MEF2D: variants seen among roughly 807,000 people sequenced by gnomAD.
MEF2D encodes myocyte-specific enhancer factor 2D.
MEF2D carries 10 observed loss-of-function variants against 59.3 expected under a neutral mutation model. The ratio of observed to expected loss-of-function variants is 0.17; its 90% CI spans 0.10 to 0.29. The LOEUF (loss-of-function observed/expected upper bound fraction) is 0.29, where lower values mean the gene tolerates loss of function less well. Ranked by LOEUF, MEF2D falls within the 10% of genes least tolerant of loss-of-function variation. MEF2D has a pLI of 1.00. For missense variants in MEF2D, 508 were observed against 699.4 expected, an observed-to-expected ratio of 0.73 and a Z score of 3.09; for synonymous variants, 305 against 295.0, an observed-to-expected ratio of 1.03 and a Z score of -0.35.
chr1:156,480,694 A>G (rs761425536), intron 4 of MEF2D, 140 bp downstream of exon 4: 107 of 1,595,096 alleles, frequency 6.7e-5, no homozygotes, highest in Non-Finnish European at 9.1e-5. Flanking sequence ...CTATCTTTTT[A>G]TATTTCTCTT....
intron 11 of MEF2D, 35 bp downstream of exon 11, chr1:156,467,958 G>T: frequency 6.3e-7 from 1 of 1,587,508 alleles, no homozygotes. Context: ...GGGTGTAGCA[G>T]ACACTGGCAG....
chr1:156,470,958 C>A (rs1185050279), intron 9 of MEF2D, among the ~76,000 whole-genome samples: 1 of 152,180 alleles, frequency 6.6e-6, no homozygotes, highest in Non-Finnish European at 1.5e-5. Context: ...AGAGGGGGAT[C>A]TGTGCTTGGC....
At chr1:156,488,783 G>A (rs779174931) in intron 1 of MEF2D, among the ~76,000 whole-genome samples, 1 of 152,170 alleles carries the variant, frequency 6.6e-6, no homozygotes, top group Non-Finnish European at 1.5e-5. Context: ...TGGGGAGAGC[G>A]GTGAAGGGGA....
intron 1 of MEF2D, among the ~76,000 whole-genome samples, chr1:156,485,220 C>G (rs1436323598): frequency 2.0e-5 from 3 of 152,198 alleles, no homozygotes; most frequent in African/African-American, 7.2e-5. Flanking sequence ...ACCCCTACCC[C>G]CCAGCTCCCA....
chr1:156,480,913 G>C lies in MEF2D; in HGVS notation c.317C>G (p.Ser106Trp). Residue 106 changes from serine (S) to tryptophan (W), a missense_variant, in exon 4 of 12, where the codon TCG becomes TGG. By Grantham distance (177) the Ser-to-Trp change is radical. Transcript: ENST00000348159. ...CDSPEPDGED[S>W]LEQSPLLEDK... is the part of the protein sequence containing the mutation. ...CTCCAGCAGGGGGCTCTGTTCCAGC[G>C]AGTCCTCCCCGTCGGGCTCGGGGCT... The C allele has an allele frequency of 6.2e-7, 1 of 1,611,912 alleles. No individual in the cohort carries two copies. Among genetic ancestry groups the C allele is most frequent in the Non-Finnish European group, 8.5e-7 (1 of 1,179,560 alleles).
rs1184127124 is a variant in MEF2D at position 156,478,530 on chromosome 1, CTTATTTTT to C, written c.664+752_664+759del. On this transcript the variant is annotated intron_variant, in intron 6 of 11. Coordinates refer to ENST00000348159, the MANE Select transcript of MEF2D (RefSeq NM_005920.4). ...TTGGGGGGCAGCCTTTCTTCTGTGG[CTTATTTTT>C]TTATTTTTTGAGACGGAGTTTCGCT... is the stretch of plus-strand genomic sequence containing the variant. Among the ~76,000 whole-genome samples the C allele has an allele frequency of 3.3e-5, 5 of 152,202 alleles. No individual in the cohort carries two copies. The East Asian group carries it at 9.7e-4, about 29-fold the overall frequency.
rs1414199663 is a variant in MEF2D, at chr1:156,468,673, G to A, written c.1247+107C>T. The stretch of plus-strand genomic sequence containing the variant: ...AGACTGTGCAGTGCACAGCCTCATA[G>A]GATGTCCACTAGAACCCTGCAGGGA... On this transcript the variant is annotated intron_variant, in intron 10 of 11. Transcript: ENST00000348159. The surrounding 1 kb of genome is among the most constrained non-coding windows in gnomAD (Gnocchi z 4.3). The A allele has an allele frequency of 1.5e-5, 23 of 1,516,942 alleles. No individual in the cohort carries two copies. Among genetic ancestry groups the A allele is most frequent in the Non-Finnish European group, 2.0e-5 (23 of 1,122,626 alleles). The allele number at this position is 1,516,942 out of a possible 1,614,324, so 94.0% of individuals were successfully genotyped here. A position where few individuals can be genotyped will look rare whatever the true frequency, so the allele number is the denominator to read the frequency against.
chr1:156,487,947 T>G (rs1672476983), intron 1 of MEF2D, among the ~76,000 whole-genome samples: 1 of 152,264 alleles, frequency 6.6e-6, no homozygotes, highest in South Asian at 2.1e-4. Flanking sequence ...TGGGAGGACT[T>G]GGGCTACCAA....
chr1:156,479,255 TC>T, intron 6 of MEF2D, 34 bp downstream of exon 6: 1 of 1,579,214 alleles, frequency 6.3e-7, no homozygotes, highest in Admixed American at 1.9e-5. Context: ...CGGGCACCCC[TC>T]CCCACCTCCA....
In MEF2D at chr1:156,494,154, G is replaced by A. The variant is rs1316081731; in HGVS notation, c.-139+6332C>T. On this transcript the variant is annotated intron_variant, in intron 1 of 11. Coordinates refer to ENST00000348159, the MANE Select transcript of MEF2D (RefSeq NM_005920.4). ...AGCACAATACACACATGCTTTAAAG[G>A]GAAAATCTCAAGGTTTGAGGTCATC... Among the ~76,000 whole-genome samples, 4 of 151,992 alleles carry A rather than the reference G, an allele frequency of 2.6e-5. No individual in the cohort carries two copies. In the East Asian group the frequency reaches 7.7e-4, roughly 29 times the overall value.
intron 3 of MEF2D, among the ~76,000 whole-genome samples, chr1:156,481,712 ATC>A (rs1490699498): frequency 1.3e-5 from 2 of 152,234 alleles, no homozygotes; most frequent in African/African-American, 2.4e-5. Context: ...TTTCCTCCAA[ATC>A]TCTGAGTAGG....
At chr1:156,470,256 T>A (rs1392839833) in intron 9 of MEF2D, among the ~76,000 whole-genome samples, 1 of 151,868 alleles carries the variant, frequency 6.6e-6, no homozygotes, top group Non-Finnish European at 1.5e-5. Context: ...CCCATCTCTA[T>A]TAAAAATACA....
chr1:156,477,070 C>T lies in MEF2D; in HGVS notation c.797G>A (p.Arg266His), dbSNP rs1302217106. Residue 266 changes from arginine to histidine, a missense_variant, in exon 7 of 12, where the codon CGC (arginine) becomes CAC (histidine). Arg to His is a conservative substitution (Grantham distance 29). Coordinates refer to ENST00000348159, the MANE Select transcript of MEF2D (RefSeq NM_005920.4). The part of the protein sequence containing the change: ...THSTQLGAPS[R>H]KPDLRVITSQ... ...AGTGATGACTCGCAGGTCGGGCTTG[C>T]GGCTGGGGGCTCCAAGCTGGGTGCT... is the stretch of plus-strand genomic sequence containing the variant. 6.2e-6 allele frequency: 10 copies of T among 1,613,804 alleles called. No individual in the cohort carries two copies. The highest frequency in any genetic ancestry group is 3.3e-5 in the Admixed American group (2 of 59,982).
At chr1:156,477,932 C>T (rs574249972) in intron 6 of MEF2D, among the ~76,000 whole-genome samples, 7 of 152,354 alleles carry the variant, frequency 4.6e-5, no homozygotes, top group East Asian at 3.9e-4. Context: ...TCCACACAGG[C>T]CTTTCACACA....
At chr1:156,490,036 G>C (rs974696529) in intron 1 of MEF2D, among the ~76,000 whole-genome samples, 1 of 152,156 alleles carries the variant, frequency 6.6e-6, no homozygotes, top group Non-Finnish European at 1.5e-5. Context: ...AAACACCCAG[G>C]CAAGATGGTC....
intron 1 of MEF2D, among the ~76,000 whole-genome samples, chr1:156,498,797 A>G (rs947117425): frequency 2.0e-5 from 3 of 152,110 alleles, no homozygotes; most frequent in Non-Finnish European, 4.4e-5. Context: ...GGAGCTCCAT[A>G]TAAGCTCCAG....
intron 1 of MEF2D, among the ~76,000 whole-genome samples, chr1:156,498,389 C>T (rs932252499): frequency 2.0e-4 from 31 of 152,158 alleles, no homozygotes; most frequent in African/African-American, 7.5e-4. Flanking sequence ...TCATGAGGCT[C>T]TCTGGGTCCT....
chr1:156,477,254 A>C, intron 6 of MEF2D, 52 bp from the exon 7 acceptor site: 1 of 1,488,962 alleles, frequency 6.7e-7, no homozygotes, highest in Non-Finnish European at 9.1e-7. Flanking sequence ...CCTATCCTTC[A>C]GCCCTATTAA....
chr1:156,469,488 C>A (rs1437056113), intron 9 of MEF2D, among the ~76,000 whole-genome samples: 1 of 151,870 alleles, frequency 6.6e-6, no homozygotes, highest in South Asian at 2.1e-4. Context: ...AAACTCCTGA[C>A]CTCAAGTGAT....
Sources: gnomAD v4.1 joint callset for allele counts (sites outside exome capture counted in the v4.1 genomes callset) on GRCh38, gnomAD v4.1.1 for gene constraint, Gnocchi (gnomAD v3.1) non-coding constraint, MANE v1.5 for transcripts, NCBI Gene and HGNC (gene_info 2026-07-23, HGNC 2026-07-21) for gene names.